ATRN: variants seen among roughly 807,000 people sequenced by gnomAD.
ATRN encodes the protein attractin-2.
Under a neutral mutation model 178.7 loss-of-function variants are expected in ATRN, and 54 were observed. The ratio of observed to expected loss-of-function variants is 0.30; its 90% CI spans 0.24 to 0.38. The LOEUF (loss-of-function observed/expected upper bound fraction) is 0.38, where lower values mean the gene tolerates loss of function less well. ATRN is among the 10% of genes least tolerant of loss of function. ATRN has a pLI of 1.00. For missense variants in ATRN, 1,443 were observed against 1,815.1 expected (o/e 0.79, Z 3.73); for synonymous variants, 636 against 663.0 (o/e 0.96, Z 0.63).
chr20:3,579,043 G>C (rs557365511), intron 15 of ATRN, among the ~76,000 whole-genome samples: 15 of 152,180 alleles, frequency 9.9e-5, no homozygotes, highest in Non-Finnish European at 8.8e-5. Context: ...GGTGACATCA[G>C]TAGATTATTT....
At chr20:3,629,308 G>T (rs566222531) in intron 25 of ATRN, 1 of 984,934 alleles carries the variant, frequency 1.0e-6, no homozygotes, top group Admixed American at 6.2e-5. Context: ...ACTGGCGTCC[G>T]CTTTTCCATA....
intron 18 of ATRN, 43 bp from the exon 19 acceptor site, chr20:3,591,126 G>A (rs753658759): frequency 1.5e-5 from 23 of 1,523,372 alleles, no homozygotes; most frequent in Non-Finnish European, 2.0e-5. Flanking sequence ...ACTACATGCA[G>A]TTCTTCCATG....
intron 1 of ATRN, among the ~76,000 whole-genome samples, chr20:3,500,019 C>T (rs1290562836): frequency 7.9e-5 from 12 of 152,040 alleles, no homozygotes; most frequent in East Asian, 3.9e-4. Context: ...AAAAAGTGGG[C>T]GAAGGACATG....
At chr20:3,579,830 A>G (rs1178232388) in intron 15 of ATRN, among the ~76,000 whole-genome samples, 2 of 152,164 alleles carry the variant, frequency 1.3e-5, no homozygotes, top group South Asian at 2.1e-4. Context: ...CCTTGGGTAC[A>G]GCCTCCTTCA....
chr20:3,471,352 A>C lies in ATRN; in HGVS notation c.245A>C (p.Glu82Ala). The C allele has an allele frequency of 3.4e-6, 5 of 1,486,114 alleles. No homozygotes were observed. The highest frequency in any genetic ancestry group is 4.4e-6 in the Non-Finnish European group (5 of 1,127,634). 92.1% of individuals were successfully genotyped at this position (1,486,114 alleles called of 1,614,324 possible). A position where few individuals can be genotyped will look rare whatever the true frequency, so the allele number is the denominator to read the frequency against. Residue 82 changes from glutamate (E) to alanine (A), a missense_variant, in exon 1 of 29, where the codon GAG (glutamate) becomes GCG (alanine). Physicochemically the swap from Glu to Ala is moderately radical, Grantham distance 107 (BLOSUM62 -1). Around this residue, in one of 4 missense-constraint regions of ATRN, gnomAD observed 862 missense variants for 972.1 expected, o/e 0.89. Transcript: ENST00000262919. ...LLLLLLPCEA[E>A]AAAAAAAVSG... is the part of the protein sequence containing the mutation. ...CTGCTGCTGCTGCCCTGTGAGGCCG[A>C]GGCCGCGGCGGCGGCGGCGGCGGTG...
At chr20:3,507,286 T>C (rs959613532) in intron 1 of ATRN, among the ~76,000 whole-genome samples, 1 of 151,504 alleles carries the variant, frequency 6.6e-6, no homozygotes, top group Non-Finnish European at 1.5e-5. Context: ...GGTGGGTGCC[T>C]GTAATCCCAG....
chr20:3,636,763 C>T (rs1056169080), intron 26 of ATRN, among the ~76,000 whole-genome samples: 3 of 152,260 alleles, frequency 2.0e-5, no homozygotes, highest in Admixed American at 6.5e-5. Context: ...AAGAGGCAGA[C>T]GAGGCTTTAA....
chr20:3,628,185 G>A (rs1327260471), intron 25 of ATRN, among the ~76,000 whole-genome samples: 1 of 152,096 alleles, frequency 6.6e-6, no homozygotes, highest in Non-Finnish European at 1.5e-5. Flanking sequence ...AAACAAAAAG[G>A]AGAATACTGT....
At chr20:3,549,141 G>A (rs768357426) in intron 5 of ATRN, 29 bp from the exon 6 acceptor site, 121 of 1,548,028 alleles carry the variant, frequency 7.8e-5, no homozygotes, top group Non-Finnish European at 1.0e-4. Context: ...GCTGTCTTTT[G>A]TGAAGCTAAT....
intron 17 of ATRN, 70 bp from the exon 18 acceptor site, chr20:3,584,577 A>T (rs960641603): frequency 2.0e-6 from 2 of 1,007,098 alleles, no homozygotes; most frequent in Non-Finnish European, 1.4e-6. Flanking sequence ...ATAGTCTGTT[A>T]AAAAAAAAGT....
chr20:3,631,687 A>G (rs1239942150), intron 25 of ATRN, among the ~76,000 whole-genome samples: 4 of 152,156 alleles, frequency 2.6e-5, no homozygotes, highest in Non-Finnish European at 4.4e-5. Context: ...GCAGGCACAG[A>G]CTGTATTACG....
chr20:3,570,706 G>A (rs2086109156), intron 11 of ATRN, among the ~76,000 whole-genome samples: 1 of 152,022 alleles, frequency 6.6e-6, no homozygotes, highest in South Asian at 2.1e-4. Context: ...TTTCTTCCCA[G>A]TATAACAAGA....
intron 1 of ATRN, among the ~76,000 whole-genome samples, chr20:3,498,224 T>A (rs1347122906): frequency 6.6e-6 from 1 of 152,168 alleles, no homozygotes; most frequent in Admixed American, 6.6e-5. Flanking sequence ...CAGGACCAGA[T>A]GAATTCACAG....
chr20:3,634,476 T>C (rs2087011652), intron 26 of ATRN, 87 bp downstream of exon 26: 1 of 1,203,164 alleles, frequency 8.3e-7, no homozygotes, highest in Non-Finnish European at 1.2e-6. Context: ...TTTAGCTATT[T>C]AGTGATAATG....
chr20:3,565,197 A>C, intron 10 of ATRN, 151 bp from the exon 11 acceptor site: 4 of 635,940 alleles, frequency 6.3e-6, no homozygotes, highest in Non-Finnish European at 1.1e-5. Context: ...CTGCTGCTTC[A>C]TTTTAACCCA....
At chr20:3,478,921 C>CT (rs71331052) in intron 1 of ATRN, among the ~76,000 whole-genome samples, 28,134 of 125,644 alleles carry the variant, frequency 0.22, 4,123 homozygotes, top group Non-Finnish European at 0.3. Flanking sequence ...AATTCATACC[C>CT]TTTTTTTTTT....
intron 1 of ATRN, among the ~76,000 whole-genome samples, chr20:3,504,413 C>T (rs370267175): frequency 2.4e-4 from 36 of 150,928 alleles, no homozygotes; most frequent in Admixed American, 8.6e-4. Context: ...GCAGTGCCAA[C>T]GCCTGTAATC....
chr20:3,554,027 T>A (rs1343227163), intron 6 of ATRN, among the ~76,000 whole-genome samples: 4 of 152,210 alleles, frequency 2.6e-5, no homozygotes, highest in African/African-American at 9.6e-5. Flanking sequence ...AGATAGGTAT[T>A]TATCAGATAA....
chr20:3,649,356 A>G lies in ATRN; in HGVS notation c.*2509A>G, dbSNP rs966384154. ...TTCAGACATTCGGAGTGTACATAAA[A>G]CAGAAAAAATCTTCATGTATTTTTA... On this transcript the variant is annotated 3_prime_UTR_variant, in exon 29 of 29. Transcript: ENST00000262919. 2.0e-5 allele frequency: 3 copies of G among 152,652 alleles called. No homozygotes were observed. Among genetic ancestry groups the G allele is most frequent in the Admixed American group, 2.0e-4 (3 of 15,290 alleles). 9.5% of individuals were successfully genotyped at this position (152,652 alleles called of 1,614,324 possible). A position where few individuals can be genotyped will look rare whatever the true frequency, so the allele number is the denominator to read the frequency against.
Sources: allele counts gnomAD v4.1 joint callset (sites outside exome capture counted in the v4.1 genomes callset), GRCh38; gene constraint gnomAD v4.1.1; regional missense constraint gnomAD v4.1.1; transcripts MANE v1.5; gene names NCBI Gene and HGNC (gene_info 2026-07-23, HGNC 2026-07-21).